The following IL1RAPL2 variants were observed in gnomAD, a reference collection of about 807,000 sequenced individuals.
The protein encoded by IL1RAPL2 is X-linked interleukin-1 receptor accessory protein-like 2.
In IL1RAPL2, 3 loss-of-function variants were observed where a neutral mutation model predicts 44.1. That is an observed-to-expected ratio of 0.07 (90% CI 0.03 to 0.18). The LOEUF is 0.18. Ranked by LOEUF, IL1RAPL2 falls within the 10% of genes least tolerant of loss-of-function variation. The pLI, the probability that IL1RAPL2 is intolerant of heterozygous loss-of-function variation, is 1.00. For synonymous variants in IL1RAPL2, 181 were observed against 178.8 expected (o/e 1.01, Z -0.10); for missense variants, 391 against 496.4 (o/e 0.79, Z 2.02).
chrX:105,707,412 T>C (rs2038174257), intron 6 of IL1RAPL2, among the ~76,000 whole-genome samples: 1 of 112,109 alleles, frequency 8.9e-6, no homozygotes. Flanking sequence ...GAACTAAGCG[T>C]TTGAGAATCA....
intron 2 of IL1RAPL2, among the ~76,000 whole-genome samples, chrX:104,814,571 T>A (rs1921086608): frequency 1.8e-5 from 2 of 112,131 alleles, no homozygotes; most frequent in South Asian, 7.5e-4. Context: ...CAAAGCAATC[T>A]AACATAGAGG....
intron 2 of IL1RAPL2, among the ~76,000 whole-genome samples, chrX:104,889,950 T>A (rs1169984387): frequency 9.1e-6 from 1 of 109,664 alleles, no homozygotes; most frequent in African/African-American, 3.3e-5. Context: ...CCCTCCCCCC[T>A]ACCCCCAACC....
chrX:105,739,297 A>G (rs1417698507), intron 7 of IL1RAPL2, among the ~76,000 whole-genome samples: 3 of 110,845 alleles, frequency 2.7e-5, no homozygotes, highest in Non-Finnish European at 5.7e-5. Flanking sequence ...ATCAAAGCCT[A>G]GTGGCATGTT....
intron 6 of IL1RAPL2, among the ~76,000 whole-genome samples, chrX:105,506,252 G>T (rs934630677): frequency 9.0e-6 from 1 of 111,144 alleles, no homozygotes; most frequent in Admixed American, 9.6e-5. Context: ...AAAGAACAAT[G>T]ATTTATTATT....
chrX:104,932,219 G>C (rs952466647), intron 2 of IL1RAPL2, among the ~76,000 whole-genome samples: 1 of 108,793 alleles, frequency 9.2e-6, no homozygotes, highest in Admixed American at 1.0e-4. Flanking sequence ...GGCTGGTCTC[G>C]AACTGCTGAC....
chrX:104,943,491 C>G (rs1275597348), intron 2 of IL1RAPL2, among the ~76,000 whole-genome samples: 1 of 111,925 alleles, frequency 8.9e-6, no homozygotes, highest in African/African-American at 3.2e-5. Context: ...TTCTGTTTCT[C>G]CAGTTGAAAT....
chrX:104,801,810 T>C (rs1932886831), intron 2 of IL1RAPL2, among the ~76,000 whole-genome samples: 1 of 111,807 alleles, frequency 8.9e-6, no homozygotes, highest in Non-Finnish European at 1.9e-5. Flanking sequence ...CCATTTTTAT[T>C]TCCACCCACT....
At chrX:104,745,988 A>C (rs1932168869) in intron 2 of IL1RAPL2, among the ~76,000 whole-genome samples, 1 of 111,772 alleles carries the variant, frequency 8.9e-6, no homozygotes, top group African/African-American at 3.2e-5. Context: ...TCCTTCATTC[A>C]TGCTGATTCA....
intron 1 of IL1RAPL2, among the ~76,000 whole-genome samples, chrX:104,570,628 C>T (rs1349016144): frequency 8.9e-6 from 1 of 112,282 alleles, no homozygotes; most frequent in Non-Finnish European, 1.9e-5. Context: ...TGAGTTATCT[C>T]CTAATGACAT....
At chrX:105,217,171 A>G (rs1365446906) in intron 3 of IL1RAPL2, among the ~76,000 whole-genome samples, 7 of 108,492 alleles carry the variant, frequency 6.5e-5, no homozygotes, top group Non-Finnish European at 1.3e-4. Flanking sequence ...CAGGCAACCT[A>G]CAGAATGGGA....
chrX:105,484,249 G>A, intron 5 of IL1RAPL2, 64 bp from the exon 6 acceptor site: 1 of 806,553 alleles, frequency 1.2e-6, no homozygotes, highest in Non-Finnish European at 1.9e-6. Context: ...ATACATGATA[G>A]AATCTTTCTC....
chrX:105,455,500 T>C (rs1292255419), intron 5 of IL1RAPL2, among the ~76,000 whole-genome samples: 10 of 112,223 alleles, frequency 8.9e-5, no homozygotes, highest in Admixed American at 3.8e-4. Flanking sequence ...TATTTGTATA[T>C]GGTGAAAGGT....
chrX:105,113,005 A>G (rs946346691), intron 2 of IL1RAPL2, among the ~76,000 whole-genome samples: 16 of 112,524 alleles, frequency 1.4e-4, no homozygotes, highest in African/African-American at 4.5e-4. Flanking sequence ...ATAGAAGAAA[A>G]AGGCAGTCTG....
At chrX:105,315,578 G>GTATATA (rs771525814) in intron 5 of IL1RAPL2, among the ~76,000 whole-genome samples, 1,051 of 21,802 alleles carry the variant, frequency 0.048, 214 homozygotes, top group Middle Eastern at 0.11. Context: ...ACTAATGGAT[G>GTATATA]TATATATATA....
chrX:104,878,165 G>A (rs1011956057), intron 2 of IL1RAPL2, among the ~76,000 whole-genome samples: 4 of 111,516 alleles, frequency 3.6e-5, no homozygotes, highest in Non-Finnish European at 7.5e-5. Flanking sequence ...CCGGCACATT[G>A]GATCATTCAG....
intron 6 of IL1RAPL2, among the ~76,000 whole-genome samples, chrX:105,554,607 A>G (rs1278820337): frequency 1.8e-5 from 2 of 110,548 alleles, no homozygotes; most frequent in African/African-American, 3.3e-5. Context: ...AATCTGTTTA[A>G]TTTTTTTCAG....
In IL1RAPL2 at chrX:105,450,870, T is replaced by G. The variant is rs149393289; in HGVS notation, c.698-33443T>G. On this transcript the variant is annotated intron_variant, in intron 5 of 10. Transcript: ENST00000372582. ...ACTTAATGAACTTTGTCAACAGAGA[T>G]GTAAATAACGAAGACCACAACTCAG... 5.4e-3 allele frequency among the ~76,000 whole-genome samples: 593 copies of G among 109,766 alleles called. 5 individuals are homozygous for G. Among genetic ancestry groups the G allele is most frequent in the African/African-American group, 0.019 (551 of 29,755 alleles).
chrX:104,722,309 C>A (rs1931695785), intron 2 of IL1RAPL2, among the ~76,000 whole-genome samples: 1 of 111,104 alleles, frequency 9.0e-6, no homozygotes, highest in African/African-American at 3.3e-5. Flanking sequence ...ATATTATTTT[C>A]ATTTGTCATG....
intron 2 of IL1RAPL2, among the ~76,000 whole-genome samples, chrX:105,099,506 C>G (rs1377018630): frequency 1.1e-5 from 1 of 93,550 alleles, no homozygotes; most frequent in Non-Finnish European, 2.1e-5. Flanking sequence ...GCTCTGTCGC[C>G]CAGGCTGGAG....
Sources: gnomAD v4.1 joint callset for allele counts (sites outside exome capture counted in the v4.1 genomes callset) on GRCh38, gnomAD v4.1.1 for gene constraint, MANE v1.5 for transcripts, NCBI Gene and HGNC (gene_info 2026-07-23, HGNC 2026-07-21) for gene names.